GABRG1: variants seen among roughly 807,000 people sequenced by gnomAD.
GABRG1 encodes the protein gamma-aminobutyric acid type A receptor subunit gamma1.
A neutral mutation model predicts 49.8 loss-of-function variants in GABRG1; 49 were observed. The observed-to-expected ratio is 0.98, with a 90% CI of 0.78 to 1.25. The LOEUF is 1.25. Among genes scored for constraint, GABRG1 ranks in the 50% most tolerant of loss-of-function variants. The pLI is 0.00. For missense variants in GABRG1, 552 were observed against 552.3 expected (o/e 1.00, Z 0.01); for synonymous variants, 232 against 185.1 (o/e 1.25, Z -2.06).
chr4:46,044,855 T>C (rs1417464239), intron 8 of GABRG1, among the ~76,000 whole-genome samples: 1 of 152,088 alleles, frequency 6.6e-6, no homozygotes, highest in African/African-American at 2.4e-5. Flanking sequence ...TTCTAAAAAA[T>C]GAGAAGAAAC....
chr4:46,122,949 C>T (rs913247342), intron 1 of GABRG1, among the ~76,000 whole-genome samples: 3 of 151,884 alleles, frequency 2.0e-5, no homozygotes, highest in Admixed American at 6.6e-5. Context: ...TACGTATAAT[C>T]GAAGAATGAT....
At chr4:46,044,341 T>C (rs1216762987) in intron 8 of GABRG1, among the ~76,000 whole-genome samples, 1 of 151,776 alleles carries the variant, frequency 6.6e-6, no homozygotes, top group African/African-American at 2.4e-5. Context: ...TTTATCTGGG[T>C]GTAGTTGCAT....
chr4:46,119,270 C>G (rs1721024704), intron 1 of GABRG1, among the ~76,000 whole-genome samples: 1 of 150,854 alleles, frequency 6.6e-6, no homozygotes, highest in South Asian at 2.1e-4. Context: ...TAGTATCTCT[C>G]TTCTCTTCTC....
intron 5 of GABRG1, among the ~76,000 whole-genome samples, chr4:46,063,231 A>G (rs1284961476): frequency 6.6e-6 from 1 of 152,048 alleles, no homozygotes; most frequent in Non-Finnish European, 1.5e-5. Context: ...AGCCAAAAGA[A>G]CAAAGCTGGA....
intron 1 of GABRG1, among the ~76,000 whole-genome samples, chr4:46,101,584 C>T (rs940517434): frequency 6.6e-6 from 1 of 151,540 alleles, no homozygotes; most frequent in Non-Finnish European, 1.5e-5. Context: ...GTGCTAAGTG[C>T]TAGGAATACA....
intron 1 of GABRG1, among the ~76,000 whole-genome samples, chr4:46,099,492 T>C (rs553190288): frequency 6.6e-6 from 1 of 151,856 alleles, no homozygotes; most frequent in East Asian, 2.0e-4. Context: ...AAGTAGTTTG[T>C]TACCACAGCA....
chr4:46,081,559 T>C (rs1387802207), intron 3 of GABRG1, among the ~76,000 whole-genome samples: 1 of 151,796 alleles, frequency 6.6e-6, no homozygotes, highest in Non-Finnish European at 1.5e-5. Context: ...AGGCATATTA[T>C]AAAGGTTCAC....
At chr4:46,082,404 G>T (rs1026133218) in intron 3 of GABRG1, among the ~76,000 whole-genome samples, 1 of 151,512 alleles carries the variant, frequency 6.6e-6, no homozygotes. Context: ...CAAAATAGTA[G>T]TTTATAAAAT....
chr4:46,114,389 G>A (rs1364756374), intron 1 of GABRG1, among the ~76,000 whole-genome samples: 1 of 150,964 alleles, frequency 6.6e-6, no homozygotes. Flanking sequence ...AATGACAGAA[G>A]AGAACCAAGC....
At chr4:46,092,663 G>C (rs927113511) in intron 2 of GABRG1, among the ~76,000 whole-genome samples, 1 of 151,744 alleles carries the variant, frequency 6.6e-6, no homozygotes, top group African/African-American at 2.4e-5. Flanking sequence ...ATAATTGCCA[G>C]ACTTGATAAT....
intron 3 of GABRG1, among the ~76,000 whole-genome samples, chr4:46,076,171 T>A (rs1719317907): frequency 6.6e-6 from 1 of 151,636 alleles, no homozygotes; most frequent in African/African-American, 2.4e-5. Context: ...AGGCTACCAT[T>A]TTTCTAAACA....
intron 1 of GABRG1, among the ~76,000 whole-genome samples, chr4:46,114,018 T>A (rs1394540510): frequency 6.6e-6 from 1 of 150,966 alleles, no homozygotes; most frequent in Non-Finnish European, 1.5e-5. Flanking sequence ...GTAGGAAAAA[T>A]CACTGATTTT....
At chr4:46,070,934 C>T (rs984722915) in intron 3 of GABRG1, among the ~76,000 whole-genome samples, 1 of 152,078 alleles carries the variant, frequency 6.6e-6, no homozygotes. Context: ...AATACCTTCA[C>T]AGCAACATCT....
chr4:46,056,146 TAAATTAAAAAAAAA>T (rs1448712640), intron 7 of GABRG1, among the ~76,000 whole-genome samples: 79 of 5,684 alleles, frequency 0.014, 6 homozygotes, highest in African/African-American at 0.091. Flanking sequence ...AATAAATAAA[TAAATTAAAAAAAAA>T]AAAAAAAAAA....
chr4:46,104,241 A>G (rs1018941322), intron 1 of GABRG1, among the ~76,000 whole-genome samples: 1 of 151,452 alleles, frequency 6.6e-6, no homozygotes, highest in African/African-American at 2.4e-5. Context: ...ACATACATAG[A>G]GATTGTAGTA....
chr4:46,065,431 G>T lies in GABRG1; in HGVS notation c.475C>A (p.His159Asn). 1 of 1,613,598 alleles carries T rather than the reference G, an allele frequency of 6.2e-7. No individual in the cohort carries two copies. Among genetic ancestry groups the T allele is most frequent in the South Asian group, 1.1e-5 (1 of 91,068 alleles). The change falls in exon 4 of 9, where the codon CAC becomes AAC. Residue 159 changes from histidine to asparagine, a missense_variant. His to Asn is a moderately conservative substitution (Grantham distance 68). Transcript: ENST00000295452. ...FFRNSRKSDAHWITTPNRLLR... is the reference protein window; with the variant it reads ...FFRNSRKSDANWITTPNRLLR... ...AGACGATTAGGAGTTGTTATCCAGT[G>T]AGCATCAGATTTTCTTGAGTTTCTG...
At chr4:46,106,757 A>G (rs1720562148) in intron 1 of GABRG1, among the ~76,000 whole-genome samples, 1 of 147,810 alleles carries the variant, frequency 6.8e-6, no homozygotes, top group Non-Finnish European at 1.5e-5. Context: ...TTTTTTTGGT[A>G]TATGAAATAA....
intron 1 of GABRG1, among the ~76,000 whole-genome samples, chr4:46,117,612 C>CTATATATA (rs1192602783): frequency 4.5e-4 from 63 of 140,150 alleles, no homozygotes; most frequent in African/African-American, 1.4e-3. Context: ...CTCTCTCTCT[C>CTATATATA]TATATATATA....
At chr4:46,077,622 A>AT (rs890717391) in intron 3 of GABRG1, among the ~76,000 whole-genome samples, 6 of 151,562 alleles carry the variant, frequency 4.0e-5, no homozygotes, top group South Asian at 2.1e-4. Flanking sequence ...CACACACAGA[A>AT]TTTTTTTTGC....
Sources: allele counts gnomAD v4.1 joint callset (sites outside exome capture counted in the v4.1 genomes callset), GRCh38; gene constraint gnomAD v4.1.1; transcripts MANE v1.5; gene names NCBI Gene and HGNC (gene_info 2026-07-23, HGNC 2026-07-21).